PHAF1: variants seen among roughly 807,000 people sequenced by gnomAD.
PHAF1 encodes phagosome assembly factor 1.
Under a neutral mutation model 63.1 loss-of-function variants are expected in PHAF1, and 23 were observed. That is an observed-to-expected ratio of 0.36 (90% CI 0.26 to 0.52). The LOEUF (loss-of-function observed/expected upper bound fraction) is 0.52, where lower values mean the gene tolerates loss of function less well. Among genes scored for constraint, PHAF1 ranks in the 20% least tolerant of loss-of-function variants. The probability of loss-of-function intolerance (pLI) is 0.93; values close to 1 mark genes in which losing one functional copy is unlikely to be tolerated. For missense variants in PHAF1, 427 were observed against 517.2 expected (o/e 0.83, Z 1.69); for synonymous variants, 167 against 185.0 (o/e 0.90, Z 0.79).
At chr16:67,110,714 G>A (rs1277032463) in intron 1 of PHAF1, among the ~76,000 whole-genome samples, 6 of 152,216 alleles carry the variant, frequency 3.9e-5, no homozygotes, top group African/African-American at 7.2e-5. Context: ...TTTTTAGGAG[G>A]GGAAACCTAG....
chr16:67,134,453 G>C lies in PHAF1; in HGVS notation c.647G>C (p.Arg216Pro). ...DGTGPAGLRL[R>P]LLAAGCGPGL... is the part of the protein sequence containing the mutation. ...ACTGGACCTGCAGGTTTACGACTTC[G>C]CCTACTTGCTGCAGGTCAGTGACTG... The change falls in exon 8 of 16, where the codon CGC (arginine) becomes CCC (proline). Residue 216 changes from arginine to proline, a missense_variant. Arg to Pro is a moderately radical substitution (Grantham distance 103). Transcript: ENST00000219139. 1 of 1,612,246 alleles carries C rather than the reference G, an allele frequency of 6.2e-7. No individual in the cohort carries two copies. Among genetic ancestry groups the C allele is most frequent in the Non-Finnish European group, 8.5e-7 (1 of 1,178,366 alleles).
intron 1 of PHAF1, 107 bp downstream of exon 1, chr16:67,110,346 A>C: frequency 3.2e-6 from 4 of 1,251,604 alleles, no homozygotes; most frequent in South Asian, 2.7e-5. Context: ...GCAGCTCCTC[A>C]CCTCTTTCGT....
At chr16:67,120,231 C>T (rs947269430) in intron 2 of PHAF1, 37 bp downstream of exon 2, 8 of 1,574,160 alleles carry the variant, frequency 5.1e-6, no homozygotes, top group Non-Finnish European at 5.2e-6. Context: ...AAATAGCATC[C>T]CTCGGTAGTG....
intron 8 of PHAF1, among the ~76,000 whole-genome samples, chr16:67,137,232 G>A (rs546800314): frequency 2.6e-5 from 4 of 152,052 alleles, no homozygotes; most frequent in East Asian, 3.9e-4. Flanking sequence ...CAACCTTCAC[G>A]TTACGAATTT....
At chr16:67,146,157 C>T (rs993234172) in intron 14 of PHAF1, 121 bp from the exon 15 acceptor site, 1 of 903,870 alleles carries the variant, frequency 1.1e-6, no homozygotes. Flanking sequence ...GGGAAACAGA[C>T]AGACACTCAC....
At chr16:67,112,058 C>A (rs558052767) in intron 1 of PHAF1, among the ~76,000 whole-genome samples, 1 of 152,278 alleles carries the variant, frequency 6.6e-6, no homozygotes, top group Admixed American at 6.5e-5. Context: ...GGTTGGAAGG[C>A]TGGTGATACC....
chr16:67,122,829 A>G (rs2145838570), intron 2 of PHAF1, among the ~76,000 whole-genome samples: 1 of 152,108 alleles, frequency 6.6e-6, no homozygotes, highest in East Asian at 1.9e-4. Context: ...CCCAGGCTCA[A>G]CCGATTCTCC....
At chr16:67,120,444 G>C (rs1597188940) in intron 2 of PHAF1, among the ~76,000 whole-genome samples, 1 of 151,860 alleles carries the variant, frequency 6.6e-6, no homozygotes, top group East Asian at 1.9e-4. Context: ...CTTGCCTACA[G>C]GCCCTTAAAC....
Position 67,145,575 on chromosome 16 carries a change from C to G in PHAF1, c.1056C>G (p.Asp352Glu), listed in dbSNP as rs1217092574. The G allele has an allele frequency of 6.2e-7, 1 of 1,613,948 alleles. No homozygotes were observed. Residue 352 changes from aspartate to glutamate, a missense_variant, in exon 14 of 16, where the codon GAC becomes GAG. By Grantham distance (45) the Asp-to-Glu change is conservative. Transcript: ENST00000219139. ...CCCCTCTATCCCTCTTGCAGTGGGA[C>G]AACATCCAGGAGCTCCTGGGCCACC... ...TETCTTYSKWDNIQELLGHPV... is the reference protein window; with the variant it reads ...TETCTTYSKWENIQELLGHPV...
chr16:67,116,813 A>G (rs779761423), intron 1 of PHAF1, among the ~76,000 whole-genome samples: 11 of 152,066 alleles, frequency 7.2e-5, no homozygotes, highest in Non-Finnish European at 1.5e-5. Context: ...TTGCACCACT[A>G]CACTCCAGCC....
intron 4 of PHAF1, 97 bp downstream of exon 4, chr16:67,131,426 T>C (rs769590699): frequency 8.6e-6 from 8 of 925,194 alleles, no homozygotes; most frequent in Non-Finnish European, 1.1e-5. Flanking sequence ...CTGTCACAGA[T>C]GTGAATTATA....
chr16:67,145,445 A>C, intron 13 of PHAF1, 26 bp downstream of exon 13: 1 of 1,614,122 alleles, frequency 6.2e-7, no homozygotes, highest in Non-Finnish European at 8.5e-7. Context: ...CCTACCTGGC[A>C]TAGCCTGAGA....
chr16:67,139,883 C>G, intron 8 of PHAF1, 101 bp from the exon 9 acceptor site: 1 of 1,387,564 alleles, frequency 7.2e-7, no homozygotes, highest in South Asian at 1.3e-5. Flanking sequence ...CCTTGCCAGA[C>G]CTAATAATGT....
chr16:67,146,987 G>A, intron 15 of PHAF1, 58 bp from the exon 16 acceptor site: 1 of 1,475,086 alleles, frequency 6.8e-7, no homozygotes, highest in South Asian at 1.1e-5. Flanking sequence ...TCATGCACAG[G>A]ATCTGCCTAC....
chr16:67,145,233 T>C, intron 12 of PHAF1, 143 bp from the exon 13 acceptor site: 1 of 920,144 alleles, frequency 1.1e-6, no homozygotes, highest in East Asian at 2.6e-5. Flanking sequence ...TCTTCCACCC[T>C]GGAACTCCAA....
intron 1 of PHAF1, 55 bp downstream of exon 1, chr16:67,110,294 G>A: frequency 3.3e-6 from 5 of 1,535,196 alleles, no homozygotes; most frequent in Non-Finnish European, 4.4e-6. Context: ...CTTTCTCCTG[G>A]GCTCTTCCCA....
At chr16:67,122,751 CAG>C (rs1453679586) in intron 2 of PHAF1, among the ~76,000 whole-genome samples, 1 of 152,006 alleles carries the variant, frequency 6.6e-6, no homozygotes, top group Non-Finnish European at 1.5e-5. Flanking sequence ...GTTTCTGAGA[CAG>C]AGTCTTGCTC....
At position 67,125,467 on chromosome 16, in the gene PHAF1, G is replaced by A. The variant is rs369316192; in HGVS notation, c.148-492G>A. On this transcript the variant is annotated intron_variant, in intron 2 of 15. Transcript: ENST00000219139. ...ATCTAAACCATCAAAGAATAAAAAT[G>A]TGTTCCCTGTGGATGGTACAAACAG... is the stretch of plus-strand genomic sequence containing the variant. Among the ~76,000 whole-genome samples, 139 of 152,292 alleles carry A rather than the reference G, an allele frequency of 9.1e-4. 2 individuals are homozygous for A. The South Asian group carries it at 0.027, about 30-fold the overall frequency.
At chr16:67,111,040 TCCTGA>T (rs1395036561) in intron 1 of PHAF1, among the ~76,000 whole-genome samples, 1 of 152,122 alleles carries the variant, frequency 6.6e-6, no homozygotes, top group Non-Finnish European at 1.5e-5. Flanking sequence ...GGTTTCGAAT[TCCTGA>T]CCTCGTGATC....
Sources: allele counts gnomAD v4.1 joint callset (sites outside exome capture counted in the v4.1 genomes callset), GRCh38; gene constraint gnomAD v4.1.1; transcripts MANE v1.5; gene names NCBI Gene and HGNC (gene_info 2026-07-23, HGNC 2026-07-21).